FANCD2: variants seen among roughly 807,000 people sequenced by gnomAD.
The protein encoded by FANCD2 is Fanconi anemia group D2 protein.
Under a neutral mutation model 192.3 loss-of-function variants are expected in FANCD2, and 131 were observed. The ratio of observed to expected loss-of-function variants is 0.68; its 90% CI spans 0.59 to 0.79. The LOEUF (loss-of-function observed/expected upper bound fraction) is 0.79. Ranked by LOEUF, FANCD2 falls within the 30% of genes least tolerant of loss-of-function variation. The pLI, the probability that FANCD2 is intolerant of heterozygous loss-of-function variation, is 0.00. For missense variants in FANCD2, 1,508 were observed against 1,701.6 expected (o/e 0.89, Z 2.00); for synonymous variants, 524 against 612.5 (o/e 0.86, Z 2.13).
Position 10,064,763 on chromosome 3 carries a change from C to T in FANCD2, c.2056C>T (p.Leu686=). 6.2e-7 allele frequency: 1 copy of T among 1,614,142 alleles called. No individual in the cohort carries two copies. Among genetic ancestry groups the T allele is most frequent in the African/African-American group, 1.3e-5 (1 of 75,076 alleles). ...FPFPVKALYG[L]EEYDTQDGIA... is the part of the protein sequence containing the mutation. ...ATTTCCTGTGAAAGCACTGTACGGA[C>T]TGGAAGAATACGACACTCAGGATGG... The change falls in exon 23 of 44, where the codon CTG becomes TTG. Residue 686 remains leucine (L), a synonymous_variant. Coordinates refer to ENST00000675286, the MANE Select transcript of FANCD2 (RefSeq NM_001018115.3).
chr3:10,081,333 T>C lies in FANCD2; in HGVS notation c.3106-13T>C, dbSNP rs759732362. On this transcript the variant is annotated splice_polypyrimidine_tract_variant and intron_variant, in intron 31 of 43. Coordinates refer to ENST00000675286, the MANE Select transcript of FANCD2 (RefSeq NM_001018115.3). ...TACTGAAGCAACTGTCCTAAAATCA[T>C]TTTTATTTTTAGTGTTTAGCTGCTG... 1.2e-6 allele frequency: 2 copies of C among 1,612,274 alleles called. No homozygotes were observed. Among genetic ancestry groups the C allele is most frequent in the Non-Finnish European group, 1.7e-6 (2 of 1,178,444 alleles).
At chr3:10,032,706 C>A in intron 2 of FANCD2, 126 bp from the exon 3 acceptor site, 2 of 773,550 alleles carry the variant, frequency 2.6e-6, no homozygotes, top group Non-Finnish European at 4.4e-6. Flanking sequence ...TATTTCACTA[C>A]AGCATCAATC....
At position 10,065,393 on chromosome 3, in the gene FANCD2, G is replaced by C. The variant is rs141783465; in HGVS notation, c.2169-1G>C. The C allele has an allele frequency of 1.2e-6, 2 of 1,606,786 alleles. No homozygotes were observed. Among genetic ancestry groups the C allele is most frequent in the Non-Finnish European group, 1.7e-6 (2 of 1,173,324 alleles). ...TCTAGAAATTTATTTCTCCTTCTCA[G>C]ATTGGTGTCTCCGCTGTGCCTGGCT... On this transcript the variant is annotated splice_acceptor_variant, in intron 23 of 43. Coordinates refer to ENST00000675286, the MANE Select transcript of FANCD2 (RefSeq NM_001018115.3). LOFTEE classifies it high-confidence loss of function.
At chr3:10,061,095 A>G (rs928224880) in intron 19 of FANCD2, among the ~76,000 whole-genome samples, 2 of 152,176 alleles carry the variant, frequency 1.3e-5, no homozygotes, top group African/African-American at 4.8e-5. Flanking sequence ...CTTAATCACC[A>G]GACACCTGCA....
At position 10,032,860 on chromosome 3, in the gene FANCD2, G is replaced by C. The variant is rs2086636498; in HGVS notation, c.93G>C (p.Lys31Asn). ...CCAGGAAGCAACCACTTTCCAAAAA[G>C]ACAAAGAAATCTCATATTGCTAATG... is the stretch of plus-strand genomic sequence containing the variant. The part of the protein sequence containing the change: ...SKTRKQPLSK[K>N]TKKSHIANEV... Residue 31 changes from lysine to asparagine, a missense_variant, in exon 3 of 44, where the codon AAG becomes AAC. Physicochemically the swap from Lys to Asn is moderately conservative, Grantham distance 94. Transcript: ENST00000675286. The C allele has an allele frequency of 6.2e-7, 1 of 1,613,124 alleles. No homozygotes were observed. Among genetic ancestry groups the C allele is most frequent in the African/African-American group, 1.3e-5 (1 of 74,974 alleles).
At chr3:10,095,028 A>G (rs1310808048) in intron 40 of FANCD2, 172 bp from the exon 41 acceptor site, 4 of 650,624 alleles carry the variant, frequency 6.1e-6, no homozygotes, top group Non-Finnish European at 1.1e-5. Flanking sequence ...GAGAGTTGAG[A>G]ATAAGAGGTA....
chr3:10,085,225 C>T (rs148087395), intron 32 of FANCD2, among the ~76,000 whole-genome samples: 27 of 152,032 alleles, frequency 1.8e-4, no homozygotes, highest in African/African-American at 6.0e-4. Context: ...ATGGCCCAGG[C>T]GTGGTGGCTC....
rs765666007 is a variant in FANCD2 at position 10,043,146 on chromosome 3, G to C, written c.985G>C (p.Ala329Pro). 3.7e-6 allele frequency: 6 copies of C among 1,613,646 alleles called. No homozygotes were observed. Among genetic ancestry groups the C allele is most frequent in the Non-Finnish European group, 5.1e-6 (6 of 1,179,640 alleles). The change falls in exon 12 of 44, where the codon GCA becomes CCA. Residue 329 changes from alanine to proline, a missense_variant. By Grantham distance (27) the Ala-to-Pro change is conservative. Around this residue, in one of 5 missense-constraint regions of FANCD2, gnomAD observed 435 missense variants for 421.9 expected, o/e 1.03. Transcript: ENST00000675286. The stretch of plus-strand genomic sequence containing the variant: ...AGTAAAGTTGAAAAGTAAAGGACGA[G>C]CAAGGTAAAGAGCTCATCCTCACAC... ...SQVKLKSKGR[A>P]SSSGNQESSG... is the part of the protein sequence containing the mutation.
chr3:10,079,429 T>C (rs538842446), intron 30 of FANCD2, among the ~76,000 whole-genome samples: 1 of 151,876 alleles, frequency 6.6e-6, no homozygotes, highest in African/African-American at 2.4e-5. Context: ...TGCAGCCTCC[T>C]GAGTAGCTGG....
chr3:10,028,765 G>A, intron 2 of FANCD2, 44 bp downstream of exon 2: 1 of 1,476,286 alleles, frequency 6.8e-7, no homozygotes, highest in South Asian at 1.1e-5. Flanking sequence ...GTAGCAATGT[G>A]TGAGGCATGT....
chr3:10,056,457 A>G (rs150219250), intron 18 of FANCD2, among the ~76,000 whole-genome samples: 13 of 152,268 alleles, frequency 8.5e-5, no homozygotes, highest in African/African-American at 3.1e-4. Flanking sequence ...GTAGGTTCCA[A>G]TTTCTCCATA....
intron 17 of FANCD2, among the ~76,000 whole-genome samples, chr3:10,051,986 A>G (rs2087233351): frequency 6.6e-6 from 1 of 152,168 alleles, no homozygotes; most frequent in South Asian, 2.1e-4. Flanking sequence ...TTTTGGTAGA[A>G]TATTGTTTTC....
chr3:10,033,148 C>T (rs1014192967), intron 3 of FANCD2, among the ~76,000 whole-genome samples, 176 bp downstream of exon 3: 1 of 152,138 alleles, frequency 6.6e-6, no homozygotes, highest in African/African-American at 2.4e-5. Flanking sequence ...CGGTGGCTCA[C>T]GTTTATCATC....
chr3:10,034,388 C>T (rs1575733907), intron 3 of FANCD2, 81 bp from the exon 4 acceptor site: 1 of 803,622 alleles, frequency 1.2e-6, no homozygotes. Flanking sequence ...TTATTGGTTT[C>T]ATCAGGCAAG....
At chr3:10,092,444 T>G (rs531525174) in intron 38 of FANCD2, among the ~76,000 whole-genome samples, 192 bp downstream of exon 38, 1 of 148,692 alleles carries the variant, frequency 6.7e-6, no homozygotes, top group Admixed American at 6.7e-5. Context: ...TTTTTTTTTG[T>G]CTTTTCCTTC....
chr3:10,061,157 G>A (rs186669893), intron 19 of FANCD2, among the ~76,000 whole-genome samples: 4 of 152,108 alleles, frequency 2.6e-5, no homozygotes, highest in African/African-American at 4.8e-5. Context: ...AGCCCTCTTC[G>A]GCATACAGCA....
chr3:10,069,464 TCCCCCTCC>T (rs1559391781), intron 26 of FANCD2, among the ~76,000 whole-genome samples: 14 of 103,002 alleles, frequency 1.4e-4, no homozygotes, highest in African/African-American at 7.6e-4. Flanking sequence ...AAGATGCCTC[TCCCCCTCC>T]CCCTCCCCCT....
At chr3:10,035,823 C>CTTGCA (rs1469508879) in intron 6 of FANCD2, among the ~76,000 whole-genome samples, 4 of 152,046 alleles carry the variant, frequency 2.6e-5, no homozygotes, top group East Asian at 3.8e-4. Context: ...GAGAGCTCCC[C>CTTGCA]TTGCAAGTTA....
At chr3:10,038,484 T>C (rs1034249874) in intron 7 of FANCD2, among the ~76,000 whole-genome samples, 2 of 152,158 alleles carry the variant, frequency 1.3e-5, no homozygotes, top group African/African-American at 2.4e-5. Context: ...AAAATGATAA[T>C]TGAGCCAACA....
Sources: gnomAD v4.1 joint callset for allele counts (sites outside exome capture counted in the v4.1 genomes callset) on GRCh38, gnomAD v4.1.1 for gene constraint, gnomAD v4.1.1 regional missense constraint, MANE v1.5 for transcripts, NCBI Gene and HGNC (gene_info 2026-07-23, HGNC 2026-07-21) for gene names.